The following VPS13B variants were observed in gnomAD, a reference collection of about 807,000 sequenced individuals.
VPS13B encodes the protein vacuolar protein sorting 13 homolog B.
In VPS13B, 285 loss-of-function variants were observed where a neutral mutation model predicts 426.4. The ratio of observed to expected loss-of-function variants is 0.67; its 90% CI spans 0.61 to 0.74. The LOEUF (loss-of-function observed/expected upper bound fraction) is 0.74. Ranked by LOEUF, VPS13B falls within the 30% of genes least tolerant of loss-of-function variation. The pLI is 0.00. For synonymous variants in VPS13B, 1,676 were observed against 1,676.4 expected (o/e 1.00, Z 0.01); for missense variants, 4,537 against 4,782.6 (o/e 0.95, Z 1.51).
intron 25 of VPS13B, among the ~76,000 whole-genome samples, chr8:99,494,463 G>A (rs917468566): frequency 4.0e-5 from 6 of 151,862 alleles, no homozygotes; most frequent in Non-Finnish European, 8.8e-5. Flanking sequence ...AGATGCTATT[G>A]TAAAGGGAAT....
chr8:99,298,504 A>T (rs1820167543), intron 19 of VPS13B, among the ~76,000 whole-genome samples: 1 of 152,070 alleles, frequency 6.6e-6, no homozygotes, highest in Non-Finnish European at 1.5e-5. Flanking sequence ...TAAATAAATT[A>T]ATTAATTAAA....
chr8:99,541,417 G>A lies in VPS13B; in HGVS notation c.4746-15033G>A, dbSNP rs577540618. On this transcript the variant is annotated intron_variant, in intron 30 of 61. Transcript: ENST00000357162. Reference sequence around the variant, plus strand: ...TACATAGGTATACATGTGCCGTGGTGGTTTGCTGCACCTATCAACCTGTCA... The same window carrying A: ...TACATAGGTATACATGTGCCGTGGTAGTTTGCTGCACCTATCAACCTGTCA... 2.6e-5 allele frequency among the ~76,000 whole-genome samples: 4 copies of A among 152,072 alleles called. No individual in the cohort carries two copies. The South Asian group carries it at 8.3e-4, about 32-fold the overall frequency.
At chr8:99,063,733 G>T (rs974841793) in intron 3 of VPS13B, among the ~76,000 whole-genome samples, 1 of 152,180 alleles carries the variant, frequency 6.6e-6, no homozygotes, top group Non-Finnish European at 1.5e-5. Context: ...TCCCAGCATG[G>T]TGTTTGAGCT....
chr8:99,551,781 A>T (rs1824297329), intron 30 of VPS13B, among the ~76,000 whole-genome samples: 1 of 151,872 alleles, frequency 6.6e-6, no homozygotes, highest in African/African-American at 2.4e-5. Context: ...CTGTTTTCTC[A>T]TCACAATTTA....
At chr8:99,125,292 C>G (rs1467776505) in intron 8 of VPS13B, among the ~76,000 whole-genome samples, 1 of 152,138 alleles carries the variant, frequency 6.6e-6, no homozygotes, top group Non-Finnish European at 1.5e-5. Context: ...GTCTGATGTT[C>G]AAGGGCAGGA....
At chr8:99,765,906 C>T (rs952523953) in intron 39 of VPS13B, among the ~76,000 whole-genome samples, 1 of 152,058 alleles carries the variant, frequency 6.6e-6, no homozygotes, top group Non-Finnish European at 1.5e-5. Flanking sequence ...TCTTCTCTTA[C>T]ACTTTCACTT....
chr8:99,116,671 C>T (rs1326597757), intron 7 of VPS13B, among the ~76,000 whole-genome samples: 2 of 148,808 alleles, frequency 1.3e-5, no homozygotes, highest in Non-Finnish European at 3.0e-5. Flanking sequence ...TAGGCATAAG[C>T]TATCTGCCCG....
chr8:99,198,829 T>C (rs1281236624), intron 17 of VPS13B, among the ~76,000 whole-genome samples: 1 of 151,782 alleles, frequency 6.6e-6, no homozygotes, highest in African/African-American at 2.4e-5. Flanking sequence ...AGGTGGTCAG[T>C]TTTCTTGTCT....
At chr8:99,140,368 CAAAAAAA>C (rs5893482) in intron 12 of VPS13B, among the ~76,000 whole-genome samples, 1 of 74,680 alleles carries the variant, frequency 1.3e-5, no homozygotes, top group Non-Finnish European at 2.8e-5. Context: ...AGCTCTGTCT[CAAAAAAA>C]AAAAAAAAAA....
intron 43 of VPS13B, among the ~76,000 whole-genome samples, chr8:99,791,623 A>G (rs1395060564): frequency 6.6e-6 from 1 of 151,524 alleles, no homozygotes; most frequent in Non-Finnish European, 1.5e-5. Context: ...GAGAGATTAT[A>G]GTAACTGAGC....
chr8:99,850,298 C>T (rs540709080), intron 55 of VPS13B, among the ~76,000 whole-genome samples: 1 of 96,374 alleles, frequency 1.0e-5, no homozygotes, highest in Non-Finnish European at 2.0e-5. Flanking sequence ...TACATAAGTA[C>T]GCATGTATGT....
At chr8:99,762,868 TG>T (rs1811003115) in intron 39 of VPS13B, among the ~76,000 whole-genome samples, 1 of 152,056 alleles carries the variant, frequency 6.6e-6, no homozygotes, top group South Asian at 2.1e-4. Context: ...CCTGGCACAG[TG>T]GGTCACACCT....
chr8:99,733,682 G>T (rs1833692551), intron 39 of VPS13B, among the ~76,000 whole-genome samples: 1 of 151,668 alleles, frequency 6.6e-6, no homozygotes, highest in Non-Finnish European at 1.5e-5. Context: ...TAAAGATATT[G>T]GAAAAAAAAT....
intron 22 of VPS13B, among the ~76,000 whole-genome samples, chr8:99,433,388 A>G (rs1817215880): frequency 6.6e-6 from 1 of 152,208 alleles, no homozygotes; most frequent in African/African-American, 2.4e-5. Flanking sequence ...AAGGCCTGTT[A>G]TATACAGATT....
At chr8:99,602,318 T>C (rs914442954) in intron 33 of VPS13B, among the ~76,000 whole-genome samples, 2 of 152,180 alleles carry the variant, frequency 1.3e-5, no homozygotes, top group Non-Finnish European at 2.9e-5. Flanking sequence ...AGATGGGTGG[T>C]GTTATTTCTG....
chr8:99,519,271 A>G (rs1822247287), intron 29 of VPS13B, among the ~76,000 whole-genome samples: 1 of 152,226 alleles, frequency 6.6e-6, no homozygotes, highest in South Asian at 2.1e-4. Context: ...CACACCAGTT[A>G]GAATGGTGAT....
intron 33 of VPS13B, among the ~76,000 whole-genome samples, chr8:99,587,585 AT>A (rs1426194496): frequency 6.6e-6 from 1 of 151,566 alleles, no homozygotes; most frequent in Non-Finnish European, 1.5e-5. Context: ...GATGATGAGC[AT>A]TTTTTCATGT....
At chr8:99,420,725 A>G (rs932120985) in intron 21 of VPS13B, among the ~76,000 whole-genome samples, 4 of 152,148 alleles carry the variant, frequency 2.6e-5, no homozygotes, top group African/African-American at 9.7e-5. Context: ...CAAATATTTA[A>G]AGTTATACCA....
At chr8:99,102,903 A>G in intron 4 of VPS13B, 50 bp from the exon 5 acceptor site, 3 of 1,468,306 alleles carry the variant, frequency 2.0e-6, no homozygotes, top group Non-Finnish European at 2.9e-6. Context: ...AGAAATAATT[A>G]TTTACTGAGA....
Sources: gnomAD v4.1 joint callset for allele counts (sites outside exome capture counted in the v4.1 genomes callset) on GRCh38, gnomAD v4.1.1 for gene constraint, MANE v1.5 for transcripts, NCBI Gene and HGNC (gene_info 2026-07-23, HGNC 2026-07-21) for gene names.